MTRR: variants seen among roughly 807,000 people sequenced by gnomAD.
MTRR encodes the protein 5-methyltetrahydrofolate-homocysteine methyltransferase reductase.
A neutral mutation model predicts 79.2 loss-of-function variants in MTRR; 63 were observed. The observed-to-expected ratio is 0.80, with a 90% CI of 0.65 to 0.98. The LOEUF (loss-of-function observed/expected upper bound fraction) is 0.98, where lower values mean the gene tolerates loss of function less well. Among genes scored for constraint, MTRR ranks in the 50% least tolerant of loss-of-function variants. The pLI is 0.00. For missense variants in MTRR, 895 were observed against 839.6 expected (o/e 1.07, Z -0.82); for synonymous variants, 355 against 313.3 (o/e 1.13, Z -1.41).
chr5:7,887,460 G>A (rs1056862025), intron 8 of MTRR, among the ~76,000 whole-genome samples: 3 of 150,984 alleles, frequency 2.0e-5, no homozygotes, highest in East Asian at 1.9e-4. Context: ...TTTTCGTGTC[G>A]TTTTATTAAT....
Position 7,877,935 on chromosome 5 carries a change from A to G in MTRR, c.402-9A>G. ...TTTGTTTTGTTTTTCGTTTGTTTTT[A>G]CTGTCCAGTTTAGAACTTGTGGTTG... On this transcript the variant is annotated splice_polypyrimidine_tract_variant and intron_variant, in intron 4 of 14. Coordinates refer to ENST00000440940, the MANE Select transcript of MTRR (RefSeq NM_002454.3). 1 of 1,611,730 alleles carries G rather than the reference A, an allele frequency of 6.2e-7. No homozygotes were observed. Among genetic ancestry groups the G allele is most frequent in the Non-Finnish European group, 8.5e-7 (1 of 1,179,968 alleles).
intron 5 of MTRR, 122 bp downstream of exon 5, chr5:7,878,444 C>A: frequency 7.9e-7 from 1 of 1,258,074 alleles, no homozygotes; most frequent in African/African-American, 1.5e-5. Context: ...CCCAATGTGG[C>A]CCAGAGCCTT....
At chr5:7,855,627 A>C (rs1746223334) in intron 1 of MTRR, among the ~76,000 whole-genome samples, 2 of 152,122 alleles carry the variant, frequency 1.3e-5, no homozygotes, top group African/African-American at 4.8e-5. Flanking sequence ...AAGCACTGGG[A>C]ATACAACATG....
intron 6 of MTRR, among the ~76,000 whole-genome samples, chr5:7,884,023 G>T (rs980764759): frequency 6.6e-6 from 1 of 152,176 alleles, no homozygotes; most frequent in African/African-American, 2.4e-5. Flanking sequence ...AAGTAGCTGG[G>T]CATGGTGGTG....
intron 2 of MTRR, among the ~76,000 whole-genome samples, chr5:7,863,842 TTTTG>T (rs542905772): frequency 4.1e-4 from 62 of 152,240 alleles, no homozygotes; most frequent in African/African-American, 1.4e-3. Context: ...TTACCTTTTT[TTTTG>T]TTTGTTTTTG....
upstream of MTRR, chr5:7,866,582 C>T (rs557231190): frequency 7.9e-7 from 1 of 1,268,934 alleles, no homozygotes; most frequent in East Asian, 2.3e-5. Context: ...TTATATGTGA[C>T]TTGAAACCAC....
chr5:7,892,663 G>A (rs1438959099), intron 10 of MTRR, 64 bp from the exon 11 acceptor site: 1 of 1,470,770 alleles, frequency 6.8e-7, no homozygotes, highest in Non-Finnish European at 9.5e-7. Flanking sequence ...TAAAAGGATT[G>A]GTTTGACCCA....
In MTRR at chr5:7,896,770, C is replaced by A. The variant is rs1268950478; in HGVS notation, c.1677-94C>A. 7 of 956,144 alleles carry A rather than the reference C, an allele frequency of 7.3e-6. No individual in the cohort carries two copies. In the African/African-American group the frequency reaches 9.8e-5, roughly 13 times the overall value. 59.2% of individuals were successfully genotyped at this position (956,144 alleles called of 1,614,324 possible). The stretch of plus-strand genomic sequence containing the variant: ...AAATGCAGAGATGGATTTTACAAAT[C>A]CGTCTGAGTTTGTTGGTGGTAGTTC... On this transcript the variant is annotated intron_variant, in intron 12 of 14. Coordinates refer to ENST00000440940, the MANE Select transcript of MTRR (RefSeq NM_002454.3).
intron 8 of MTRR, among the ~76,000 whole-genome samples, chr5:7,887,809 T>TATATATAC (rs1736843756): frequency 1.2e-5 from 1 of 81,356 alleles, no homozygotes; most frequent in African/African-American, 8.1e-5. Context: ...TATATATATA[T>TATATATAC]ATATATATAT....
chr5:7,868,147 G>A, upstream of MTRR: 1 of 904,436 alleles, frequency 1.1e-6, no homozygotes, highest in African/African-American at 1.8e-5. Context: ...TAAATACATT[G>A]AGAACATGAT....
chr5:7,858,171 G>A (rs1384684677), intron 1 of MTRR, among the ~76,000 whole-genome samples: 1 of 152,100 alleles, frequency 6.6e-6, no homozygotes, highest in Non-Finnish European at 1.5e-5. Context: ...GGGAACCTGA[G>A]TTCACTAAAA....
chr5:7,885,582 A>G (rs1192738477), intron 6 of MTRR, 119 bp from the exon 7 acceptor site: 6 of 910,618 alleles, frequency 6.6e-6, no homozygotes, highest in African/African-American at 5.2e-5. Context: ...TTGAAATTCT[A>G]TTTTCTGAGT....
At chr5:7,891,291 T>TA (rs1737518524) in intron 9 of MTRR, 81 bp from the exon 10 acceptor site, 1 of 198,400 alleles carries the variant, frequency 5.0e-6, no homozygotes, top group African/African-American at 1.2e-4. Flanking sequence ...GACATGGAAT[T>TA]TTTTTTTTTT....
Position 7,896,874 on chromosome 5 carries a change from C to A in MTRR, c.1687C>A (p.Gln563Lys). ...TTTTTTTCCACTTAGAGAGAAACTCCAAGAACAACACCCAGATGGAAATTT... is the reference window on the plus strand; with the variant it reads ...TTTTTTTCCACTTAGAGAGAAACTCAAAGAACAACACCCAGATGGAAATTT... The part of the protein sequence containing the change: ...IGFLQHREKL[Q>K]EQHPDGNFGA... Residue 563 changes from glutamine to lysine, a missense_variant, in exon 13 of 15, where the codon CAA becomes AAA. Transcript: ENST00000440940. The A allele has an allele frequency of 6.2e-7, 1 of 1,613,826 alleles. No homozygotes were observed. Among genetic ancestry groups the A allele is most frequent in the Non-Finnish European group, 8.5e-7 (1 of 1,179,934 alleles).
At position 7,869,584 on chromosome 5, in the gene MTRR, A is replaced by G. The variant is rs866646175; in HGVS notation, c.-26+369A>G. 62 of 263,886 alleles carry G rather than the reference A, an allele frequency of 2.3e-4. 1 individual carries two copies. Among genetic ancestry groups the G allele is most frequent in the South Asian group, 1.0e-3 (27 of 26,196 alleles). The allele number at this position is 263,886 out of a possible 1,614,324, so 16.3% of individuals were successfully genotyped here. ...CGGGTTGGGGCGGCGCGCTCCGGGGAACCCGGGACGTTCCGAGCGCCCACC... is the reference window on the plus strand; with the variant it reads ...CGGGTTGGGGCGGCGCGCTCCGGGGGACCCGGGACGTTCCGAGCGCCCACC... On this transcript the variant is annotated intron_variant, in intron 1 of 14. Coordinates refer to ENST00000440940, the MANE Select transcript of MTRR (RefSeq NM_002454.3).
rs1480450374 is a variant in MTRR at position 7,886,607 on chromosome 5, C to G, written c.1058-8C>G. 2.5e-6 allele frequency: 4 copies of G among 1,606,360 alleles called. No individual in the cohort carries two copies. The highest frequency in any genetic ancestry group is 2.2e-5 in the South Asian group (2 of 90,910). ...TCATGAACCCCTTTCCCGTCTTTACCTGAAAAGGAGCTACCTTACCCCAGC... is the reference window on the plus strand; with the variant it reads ...TCATGAACCCCTTTCCCGTCTTTACGTGAAAAGGAGCTACCTTACCCCAGC... On this transcript the variant is annotated splice_polypyrimidine_tract_variant and splice_region_variant and intron_variant, in intron 7 of 14. Coordinates refer to ENST00000440940, the MANE Select transcript of MTRR (RefSeq NM_002454.3).
At chr5:7,861,839 C>A in intron 1 of MTRR, 2 of 1,248,996 alleles carry the variant, frequency 1.6e-6, no homozygotes, top group Non-Finnish European at 2.1e-6. Flanking sequence ...TATGATCAAT[C>A]AAGTCAGCCT....
At chr5:7,853,699 T>C (rs1746141945) in intron 1 of MTRR, among the ~76,000 whole-genome samples, 1 of 152,138 alleles carries the variant, frequency 6.6e-6, no homozygotes, top group African/African-American at 2.4e-5. Context: ...AGGATCAACA[T>C]GGAGGCATGT....
intron 1 of MTRR, among the ~76,000 whole-genome samples, chr5:7,854,087 A>C (rs1047452036): frequency 6.6e-6 from 1 of 152,088 alleles, no homozygotes; most frequent in African/African-American, 2.4e-5. Context: ...GTATTTTCCT[A>C]TATGATCTTA....
Sources: gnomAD v4.1 joint callset for allele counts (sites outside exome capture counted in the v4.1 genomes callset) on GRCh38, gnomAD v4.1.1 for gene constraint, MANE v1.5 for transcripts, NCBI Gene and HGNC (gene_info 2026-07-23, HGNC 2026-07-21) for gene names.